Variants in SCRN3 observed in about 807,000 individuals in gnomAD.
SCRN3 encodes the protein secernin-3.
A neutral mutation model predicts 43.1 loss-of-function variants in SCRN3; 39 were observed. The ratio of observed to expected loss-of-function variants is 0.91; its 90% CI spans 0.70 to 1.18. The LOEUF (loss-of-function observed/expected upper bound fraction) is 1.18, where lower values mean the gene tolerates loss of function less well. SCRN3 is among the 50% of genes most tolerant of loss of function. The pLI is 0.00. For synonymous variants in SCRN3, 147 were observed against 163.1 expected (o/e 0.90, Z 0.75); for missense variants, 484 against 498.0 (o/e 0.97, Z 0.27).
rs1686546087 is a variant in SCRN3 at position 174,427,874 on chromosome 2, ATCAGTCAAAG to A, written c.1256_1265del (p.Ser419LeufsTer10). ...AAATTCAAATTTATCAGTCAAATTT[ATCAGTCAAAG>A]TTAGTTCTTAGTGATCATATGGTCA... On this transcript the variant is annotated frameshift_variant, in exon 8 of 8. Transcript: ENST00000272732. LOFTEE classifies it high-confidence loss of function. 19 of 1,583,816 alleles carry A rather than the reference ATCAGTCAAAG, an allele frequency of 1.2e-5. 1 individual carries two copies. The South Asian group carries it at 2.0e-4, about 17-fold the overall frequency.
rs139465182 is a variant in SCRN3 at position 174,401,143 on chromosome 2, G to C, written c.495G>C (p.Trp165Cys). 2 of 1,613,848 alleles carry C rather than the reference G, an allele frequency of 1.2e-6. No homozygotes were observed. The highest frequency in any genetic ancestry group is 2.7e-5 in the African/African-American group (2 of 74,906). Reference sequence around the variant, plus strand: ...TGATAGCTGATAGGAATGAAGCCTGGATTCTGGAGACTGCAGGGAAGTACT... The same window carrying C: ...TGATAGCTGATAGGAATGAAGCCTGCATTCTGGAGACTGCAGGGAAGTACT... ...SFLIADRNEAWILETAGKYWA... is the reference protein window; with the variant it reads ...SFLIADRNEACILETAGKYWA... Residue 165 changes from tryptophan (W) to cysteine (C), a missense_variant, in exon 4 of 8, where the codon TGG becomes TGC. By Grantham distance (215) the Trp-to-Cys change is radical (BLOSUM62 -2). Coordinates refer to ENST00000272732, the MANE Select transcript of SCRN3 (RefSeq NM_024583.5).
rs1212642043 is a variant in SCRN3, at chr2:174,401,158, A to T, written c.510A>T (p.Ala170=). The change falls in exon 4 of 8, where the codon GCA becomes GCT. Residue 170 remains alanine (A), a synonymous_variant. Transcript: ENST00000272732. ...DRNEAWILET[A]GKYWAAEKVQ... is the part of the protein sequence containing the mutation. ...ATGAAGCCTGGATTCTGGAGACTGC[A>T]GGGAAGTACTGGGCAGCAGAAAAAG... 1.9e-6 allele frequency: 3 copies of T among 1,613,962 alleles called. No homozygotes were observed.
At chr2:174,421,630 A>G (rs1574669930) in intron 5 of SCRN3, among the ~76,000 whole-genome samples, 1 of 152,170 alleles carries the variant, frequency 6.6e-6, no homozygotes, top group Admixed American at 6.5e-5. Context: ...AGCCTGGGAT[A>G]CTTCTCCAAC....
chr2:174,397,542 A>C, intron 1 of SCRN3: 1 of 275,548 alleles, frequency 3.6e-6, no homozygotes. Flanking sequence ...TTTCAGTCTC[A>C]TCAGAATTAT....
chr2:174,419,382 GTGAT>G (rs1189354893), intron 5 of SCRN3, among the ~76,000 whole-genome samples: 2 of 152,132 alleles, frequency 1.3e-5, no homozygotes, highest in Non-Finnish European at 2.9e-5. Flanking sequence ...ACTATGTTTT[GTGAT>G]TGATTGAGTG....
chr2:174,416,266 A>G (rs1686102455), intron 5 of SCRN3, among the ~76,000 whole-genome samples: 1 of 152,138 alleles, frequency 6.6e-6, no homozygotes, highest in South Asian at 2.1e-4. Flanking sequence ...GGTGGCATGG[A>G]GTTGGAGCAA....
At chr2:174,427,290 T>C (rs1477655661) in intron 7 of SCRN3, among the ~76,000 whole-genome samples, 1 of 152,206 alleles carries the variant, frequency 6.6e-6, no homozygotes, top group Non-Finnish European at 1.5e-5. Flanking sequence ...CTTCTTTTGG[T>C]TGATTTTTTC....
chr2:174,426,121 T>C (rs1450947130), intron 7 of SCRN3, among the ~76,000 whole-genome samples: 2 of 152,212 alleles, frequency 1.3e-5, no homozygotes, highest in African/African-American at 4.8e-5. Flanking sequence ...ATTTTAAACT[T>C]AGTCAATTAT....
At position 174,428,839 on chromosome 2, in the gene SCRN3, G is replaced by A. The variant is rs1686574069; in HGVS notation, c.*944G>A. 6.6e-6 allele frequency: 1 copy of A among 152,130 alleles called. No homozygotes were observed. The highest frequency in any genetic ancestry group is 6.5e-5 in the Admixed American group (1 of 15,274). 9.4% of individuals were successfully genotyped at this position (152,130 alleles called of 1,614,324 possible). ...GTTTAGGTTACATAAAGATTACCAAGTAAGACTCAAAATTGCAAATATAAA... is the reference window on the plus strand; with the variant it reads ...GTTTAGGTTACATAAAGATTACCAAATAAGACTCAAAATTGCAAATATAAA... On this transcript the variant is annotated 3_prime_UTR_variant, in exon 8 of 8. Transcript: ENST00000272732.
At chr2:174,410,158 G>A (rs1404250061) in intron 5 of SCRN3, 1 of 150,642 alleles carries the variant, frequency 6.6e-6, no homozygotes, top group Non-Finnish European at 1.5e-5. Flanking sequence ...ATATAGTCTC[G>A]TGGTGCGCCG....
chr2:174,425,758 T>C (rs1450627553), intron 7 of SCRN3, among the ~76,000 whole-genome samples: 1 of 152,158 alleles, frequency 6.6e-6, no homozygotes, highest in Non-Finnish European at 1.5e-5. Flanking sequence ...CAACTTAAAG[T>C]AGTGGAAAGA....
chr2:174,403,738 A>G (rs2105570483), intron 4 of SCRN3, among the ~76,000 whole-genome samples: 1 of 152,258 alleles, frequency 6.6e-6, no homozygotes, highest in South Asian at 2.1e-4. Context: ...AAAGGGCAAC[A>G]TGAGGGATCC....
At chr2:174,426,599 C>G (rs979824568) in intron 7 of SCRN3, among the ~76,000 whole-genome samples, 1 of 151,920 alleles carries the variant, frequency 6.6e-6, no homozygotes, top group African/African-American at 2.4e-5. Flanking sequence ...TGATGAAACC[C>G]CGTCTGTACT....
intron 5 of SCRN3, among the ~76,000 whole-genome samples, chr2:174,418,872 AAT>A (rs1433316787): frequency 1.3e-5 from 2 of 152,200 alleles, no homozygotes; most frequent in East Asian, 1.9e-4. Flanking sequence ...AACTAACAGA[AAT>A]ATATTATTTC....
At position 174,401,024 on chromosome 2, in the gene SCRN3, G is replaced by T. The variant is rs1202191271; in HGVS notation, c.376G>T (p.Ala126Ser). The T allele has an allele frequency of 6.2e-7, 1 of 1,613,552 alleles. No individual in the cohort carries two copies. Among genetic ancestry groups the T allele is most frequent in the Non-Finnish European group, 8.5e-7 (1 of 1,179,700 alleles). ...GLERADTAEK[A>S]LNVIVDLLEK... ...TGAAAGAGCTGATACAGCTGAAAAAGCCCTCAATGTCATTGTTGACTTACT... is the reference window on the plus strand; with the variant it reads ...TGAAAGAGCTGATACAGCTGAAAAATCCCTCAATGTCATTGTTGACTTACT... Residue 126 changes from alanine to serine, a missense_variant, in exon 4 of 8, where the codon GCC becomes TCC. Transcript: ENST00000272732.
At position 174,409,321 on chromosome 2, in the gene SCRN3, C is replaced by A. The variant is rs1440909193; in HGVS notation, c.754+5006C>A. On this transcript the variant is annotated intron_variant, in intron 5 of 7. Coordinates refer to ENST00000272732, the MANE Select transcript of SCRN3 (RefSeq NM_024583.5). Reference sequence around the variant, plus strand: ...GTTTTCAGCTCCATCAGCTCCTTTACGCACTTCTCTGTATTGGTTATTCTA... The same window carrying A: ...GTTTTCAGCTCCATCAGCTCCTTTAAGCACTTCTCTGTATTGGTTATTCTA... 1.0e-2 allele frequency among the ~76,000 whole-genome samples: 1,358 copies of A among 135,840 alleles called. 4 individuals carry two copies. Among genetic ancestry groups the A allele is most frequent in the Middle Eastern group, 0.036 (8 of 222 alleles). 89.1% of individuals were successfully genotyped at this position (135,840 alleles called of 152,430 possible).
chr2:174,400,506 T>C (rs1158259972), intron 3 of SCRN3, among the ~76,000 whole-genome samples: 1 of 152,134 alleles, frequency 6.6e-6, no homozygotes, highest in Non-Finnish European at 1.5e-5. Context: ...GCTATGTTGC[T>C]TATACTTGTC....
At chr2:174,426,774 AAAC>A (rs1686497731) in intron 7 of SCRN3, among the ~76,000 whole-genome samples, 1 of 151,892 alleles carries the variant, frequency 6.6e-6, no homozygotes. Flanking sequence ...TCCATCTCCA[AAAC>A]AAAACAAAAC....
intron 1 of SCRN3, chr2:174,397,028 A>T (rs1348833219): frequency 3.1e-6 from 3 of 953,786 alleles, no homozygotes; most frequent in Non-Finnish European, 3.7e-6. Flanking sequence ...AAAGTTATAT[A>T]GTGATAGAAC....
Sources: gnomAD v4.1 joint callset for allele counts (sites outside exome capture counted in the v4.1 genomes callset) on GRCh38, gnomAD v4.1.1 for gene constraint, MANE v1.5 for transcripts, NCBI Gene and HGNC (gene_info 2026-07-23, HGNC 2026-07-21) for gene names.